Variants in DLAT observed in about 807,000 individuals in gnomAD.
DLAT encodes the protein dihydrolipoyllysine-residue acetyltransferase component of pyruvate dehydrogenase complex, mitochondrial.
In DLAT, 43 loss-of-function variants were observed where a neutral mutation model predicts 68.0. The ratio of observed to expected loss-of-function variants is 0.63; its 90% CI spans 0.50 to 0.81. DLAT has a LOEUF of 0.81. DLAT is among the 40% of genes least tolerant of loss of function. The pLI is 0.00. For missense variants in DLAT, 745 were observed against 815.4 expected (o/e 0.91, Z 1.05); for synonymous variants, 265 against 288.6 (o/e 0.92, Z 0.83).
intron 2 of DLAT, among the ~76,000 whole-genome samples, chr11:112,026,771 C>A (rs1862043957): frequency 1.3e-5 from 2 of 152,326 alleles, no homozygotes; most frequent in South Asian, 2.1e-4. Context: ...ACCTTTCCCC[C>A]CTTTCTATTC....
Position 112,025,510 on chromosome 11 carries a change from C to T in DLAT, c.38C>T (p.Ala13Val). ...TGTGCGCGACGGGCTCAGAATGTAG[C>T]CCCATGGGCGGGACTCGAGGCTCGG... ...RVCARRAQNV[A>V]PWAGLEARWT... Residue 13 changes from alanine (A) to valine (V), a missense_variant, in exon 1 of 14, where the codon GCC becomes GTC. Ala to Val is a moderately conservative substitution (Grantham distance 64). Coordinates refer to ENST00000280346, the MANE Select transcript of DLAT (RefSeq NM_001931.5). 6.2e-7 allele frequency: 1 copy of T among 1,613,826 alleles called. No individual in the cohort carries two copies. Among genetic ancestry groups the T allele is most frequent in the Non-Finnish European group, 8.5e-7 (1 of 1,179,966 alleles).
At chr11:112,058,336 C>T (rs369902458) in intron 11 of DLAT, among the ~76,000 whole-genome samples, 30 of 152,148 alleles carry the variant, frequency 2.0e-4, no homozygotes, top group East Asian at 5.8e-4. Flanking sequence ...GAGTCATACA[C>T]GGTATTTTTA....
At position 112,025,660 on chromosome 11, in the gene DLAT, C is replaced by T. The variant is rs1436678935; in HGVS notation, c.188C>T (p.Pro63Leu). ...GTCCGGGCACTGTGCGGCTGGACCC[C>T]CAGTTCTGGGGCCACGCCGCGGAAC... ...GGVRALCGWT[P>L]SSGATPRNRL... Residue 63 changes from proline (P) to leucine (L), a missense_variant, in exon 1 of 14, where the codon CCC (proline) becomes CTC (leucine). Transcript: ENST00000280346. 2.1e-5 allele frequency: 34 copies of T among 1,613,076 alleles called. No homozygotes were observed. The highest frequency in any genetic ancestry group is 2.6e-5 in the Non-Finnish European group (31 of 1,179,992).
chr11:112,026,053 C>T (rs1299821470), intron 1 of DLAT, 145 bp from the exon 2 acceptor site: 2 of 792,440 alleles, frequency 2.5e-6, no homozygotes, highest in Non-Finnish European at 4.3e-6. Flanking sequence ...TTCTCATGGA[C>T]AGGAACTCCC....
In DLAT at chr11:112,025,656, A is replaced by AC; in HGVS notation, c.189dup (p.Ser64GlnfsTer58). 6.2e-7 allele frequency: 1 copy of AC among 1,612,378 alleles called. No individual in the cohort carries two copies. Among genetic ancestry groups the AC allele is most frequent in the Non-Finnish European group, 8.5e-7 (1 of 1,179,828 alleles). On this transcript the variant is annotated frameshift_variant, in exon 1 of 14. Transcript: ENST00000280346. LOFTEE classifies it high-confidence loss of function. The stretch of plus-strand genomic sequence containing the variant: ...CGGGGTCCGGGCACTGTGCGGCTGG[A>AC]CCCCCAGTTCTGGGGCCACGCCGCG...
chr11:112,038,419 G>A (rs1306073157), intron 6 of DLAT, among the ~76,000 whole-genome samples: 1 of 151,184 alleles, frequency 6.6e-6, no homozygotes, highest in Non-Finnish European at 1.5e-5. Context: ...GGCTGGTCAC[G>A]AACTCCTGAC....
intron 6 of DLAT, among the ~76,000 whole-genome samples, chr11:112,038,932 G>T (rs893291057): frequency 6.6e-6 from 1 of 151,996 alleles, no homozygotes; most frequent in East Asian, 1.9e-4. Context: ...TAAAGAAGTG[G>T]TAAGAGATTA....
intron 11 of DLAT, among the ~76,000 whole-genome samples, chr11:112,053,722 G>A (rs1863809214): frequency 6.6e-6 from 1 of 152,082 alleles, no homozygotes; most frequent in Admixed American, 6.5e-5. Context: ...CAAAGTGCTG[G>A]GATCACAGGT....
intron 3 of DLAT, 33 bp downstream of exon 3, chr11:112,028,672 A>G: frequency 6.2e-7 from 1 of 1,614,158 alleles, no homozygotes; most frequent in South Asian, 1.1e-5. Context: ...GTGGAACTTC[A>G]TTGCTTGGTG....
At chr11:112,048,866 C>T (rs1238038257) in intron 10 of DLAT, among the ~76,000 whole-genome samples, 1 of 151,404 alleles carries the variant, frequency 6.6e-6, no homozygotes, top group Non-Finnish European at 1.5e-5. Flanking sequence ...TTCCATTAAT[C>T]TCTGTATACC....
rs1784677 is a variant in DLAT, at chr11:112,028,446, T to A, written c.382-69T>A. 3.8e-4 allele frequency: 445 copies of A among 1,175,066 alleles called. 4 individuals carry two copies. The African/African-American group carries it at 6.1e-3, about 16-fold the overall frequency. 72.8% of individuals were successfully genotyped at this position (1,175,066 alleles called of 1,614,324 possible). On this transcript the variant is annotated intron_variant, in intron 2 of 13. Transcript: ENST00000280346. The stretch of plus-strand genomic sequence containing the variant: ...AAAAAAAAAAAAAAAAAAAAAAAAA[T>A]TCTAGACACAAGCTAATAAATTACA...
rs782737732 is a variant in DLAT, at chr11:112,033,441, G to A, written c.698G>A (p.Gly233Asp). 6.2e-7 allele frequency: 1 copy of A among 1,613,766 alleles called. No homozygotes were observed. The highest frequency in any genetic ancestry group is 1.1e-5 in the South Asian group (1 of 91,028). ...GCCCTCTCTCCCACCATGACCATGG[G>A]CACAGTTCAGAGATGGGAAAAAAAA... ...LPALSPTMTM[G>D]TVQRWEKKVG... Residue 233 changes from glycine to aspartate, a missense_variant, in exon 5 of 14, where the codon GGC (glycine) becomes GAC (aspartate). By Grantham distance (94) the Gly-to-Asp change is moderately conservative. Transcript: ENST00000280346.
chr11:112,032,208 T>C (rs1862448315), intron 4 of DLAT, among the ~76,000 whole-genome samples: 1 of 151,760 alleles, frequency 6.6e-6, no homozygotes, highest in African/African-American at 2.4e-5. Flanking sequence ...TTTTATTTTT[T>C]TGAATGATCA....
intron 2 of DLAT, 21 bp downstream of exon 2, chr11:112,026,320 TTA>T: frequency 8.1e-7 from 1 of 1,230,382 alleles, no homozygotes; most frequent in African/African-American, 1.6e-5. Flanking sequence ...TTTTTTTTTT[TTA>T]ATTAATTTAT....
chr11:112,037,385 A>G lies in DLAT; in HGVS notation c.900A>G (p.Ile300Met), dbSNP rs868959487. 23 of 1,614,070 alleles carry G rather than the reference A, an allele frequency of 1.4e-5. No individual in the cohort carries two copies. In the African/African-American group the frequency reaches 1.6e-4, roughly 11 times the overall value. The change falls in exon 6 of 14, where the codon ATA (isoleucine) becomes ATG (methionine). Residue 300 changes from isoleucine (I) to methionine (M), a missense_variant. Transcript: ENST00000280346. ...LCIIVEKEAD[I>M]SAFADYRPTE... ...TCATTGTAGAAAAAGAGGCAGATATATCAGCATTTGCTGACTATAGGCCAA... is the reference window on the plus strand; with the variant it reads ...TCATTGTAGAAAAAGAGGCAGATATGTCAGCATTTGCTGACTATAGGCCAA...
chr11:112,062,889 C>A lies in DLAT; in HGVS notation c.*354C>A, dbSNP rs1475916670. On this transcript the variant is annotated 3_prime_UTR_variant, in exon 14 of 14. Coordinates refer to ENST00000280346, the MANE Select transcript of DLAT (RefSeq NM_001931.5). ...GTACATAAAGGTGACCCTGATGAAACCTTGAAGTTCTGAAATTTAACTGCC... is the reference window on the plus strand; with the variant it reads ...GTACATAAAGGTGACCCTGATGAAAACTTGAAGTTCTGAAATTTAACTGCC... 4.2e-6 allele frequency: 1 copy of A among 238,596 alleles called. No homozygotes were observed. Among genetic ancestry groups the A allele is most frequent in the Non-Finnish European group, 8.4e-6 (1 of 119,402 alleles). The allele number at this position is 238,596 out of a possible 1,614,324, so 14.8% of individuals were successfully genotyped here. A position where few individuals can be genotyped will look rare whatever the true frequency, so the allele number is the denominator to read the frequency against.
At chr11:112,058,807 A>G (rs1864315402) in intron 11 of DLAT, among the ~76,000 whole-genome samples, 1 of 152,194 alleles carries the variant, frequency 6.6e-6, no homozygotes, top group African/African-American at 2.4e-5. Flanking sequence ...TCCCTGCTTC[A>G]AAATGATAGC....
intron 7 of DLAT, among the ~76,000 whole-genome samples, chr11:112,041,324 G>T (rs921076329): frequency 7.2e-5 from 11 of 152,170 alleles, no homozygotes; most frequent in Admixed American, 2.6e-4. Context: ...TAAATAAGAT[G>T]ATTTGAGTGC....
chr11:112,040,700 C>T (rs899757633), intron 7 of DLAT, among the ~76,000 whole-genome samples: 6 of 151,784 alleles, frequency 4.0e-5, no homozygotes, highest in Non-Finnish European at 7.4e-5. Flanking sequence ...CATCTTAATG[C>T]CATTTCAGTA....
Sources: allele counts gnomAD v4.1 joint callset (sites outside exome capture counted in the v4.1 genomes callset), GRCh38; gene constraint gnomAD v4.1.1; transcripts MANE v1.5; gene names NCBI Gene and HGNC (gene_info 2026-07-23, HGNC 2026-07-21).